Variants in UBE3D observed in about 807,000 individuals in gnomAD.
UBE3D encodes E3 ubiquitin-protein ligase E3D.
A neutral mutation model predicts 49.6 loss-of-function variants in UBE3D; 48 were observed. The ratio of observed to expected loss-of-function variants is 0.97; its 90% confidence interval spans 0.77 to 1.23. The LOEUF is 1.23. UBE3D is among the 50% of genes most tolerant of loss of function. The pLI is 0.00. For missense variants in UBE3D, 452 were observed against 468.4 expected, an observed-to-expected ratio of 0.96 and a Z score of 0.32; for synonymous variants, 189 against 174.2, an observed-to-expected ratio of 1.08 and a Z score of -0.67.
chr6:82,983,161 T>C (rs1275036227), intron 8 of UBE3D, among the ~76,000 whole-genome samples: 1 of 151,792 alleles, frequency 6.6e-6, no homozygotes, highest in East Asian at 1.9e-4. Flanking sequence ...GAAAGTTTTT[T>C]TTTTTTTTTT....
intron 9 of UBE3D, among the ~76,000 whole-genome samples, chr6:82,893,267 A>C (rs7756093): frequency 0.019 from 2,869 of 152,254 alleles, 87 homozygotes; most frequent in African/African-American, 0.065. Context: ...ACGCATTTTA[A>C]AGGAGAAAAA....
intron 8 of UBE3D, among the ~76,000 whole-genome samples, chr6:82,967,685 A>G (rs1777049896): frequency 1.3e-5 from 2 of 151,924 alleles, no homozygotes; most frequent in African/African-American, 4.8e-5. Flanking sequence ...TCTGTCACCT[A>G]GGCTGGAGTG....
chr6:83,065,059 T>C (rs771481462), intron 1 of UBE3D, among the ~76,000 whole-genome samples: 1 of 152,228 alleles, frequency 6.6e-6, no homozygotes, highest in Non-Finnish European at 1.5e-5. Context: ...TTTGACGTTC[T>C]CACTGGAAGG....
Position 83,065,796 on chromosome 6 carries a change from C to A in UBE3D, c.-78G>T. 2 of 1,431,452 alleles carry A rather than the reference C, an allele frequency of 1.4e-6. No individual in the cohort carries two copies. Among genetic ancestry groups the A allele is most frequent in the Non-Finnish European group, 1.9e-6 (2 of 1,042,930 alleles). The allele number at this position is 1,431,452 out of a possible 1,614,324, so 88.7% of individuals were successfully genotyped here. ...GTCAACAGGACCAGGAGAGGTTCCA[C>A]GTGCGGACCAACCAGCGGCAGCCCC... On this transcript the variant is annotated 5_prime_UTR_variant, in exon 1 of 10. Transcript: ENST00000369747.
chr6:83,015,057 G>C (rs1780602607), intron 8 of UBE3D, among the ~76,000 whole-genome samples: 1 of 152,112 alleles, frequency 6.6e-6, no homozygotes, highest in African/African-American at 2.4e-5. Flanking sequence ...TTTGACAGCT[G>C]AGTGCCACAA....
chr6:82,968,056 T>C (rs903909258), intron 8 of UBE3D, among the ~76,000 whole-genome samples: 2 of 152,142 alleles, frequency 1.3e-5, no homozygotes, highest in Non-Finnish European at 1.5e-5. Flanking sequence ...TTATAAATAA[T>C]AGCTACGAGC....
intron 8 of UBE3D, among the ~76,000 whole-genome samples, chr6:83,006,726 G>A (rs991718936): frequency 1.3e-5 from 2 of 152,190 alleles, no homozygotes; most frequent in Non-Finnish European, 2.9e-5. Context: ...ATTCATAGAA[G>A]TAGTAAGTAG....
chr6:82,889,740 T>C (rs947629224), downstream of UBE3D, among the ~76,000 whole-genome samples: 1 of 152,184 alleles, frequency 6.6e-6, no homozygotes, highest in South Asian at 2.1e-4. Context: ...GCTGCCTCCA[T>C]GAGAATGTAA....
At chr6:83,008,675 A>G (rs1306788614) in intron 8 of UBE3D, among the ~76,000 whole-genome samples, 2 of 152,180 alleles carry the variant, frequency 1.3e-5, no homozygotes, top group Non-Finnish European at 2.9e-5. Context: ...GGCAATCCAC[A>G]CTTCCATTAG....
chr6:83,000,000 C>G (rs1010440014), intron 8 of UBE3D, among the ~76,000 whole-genome samples: 1 of 152,200 alleles, frequency 6.6e-6, no homozygotes, highest in Non-Finnish European at 1.5e-5. Flanking sequence ...CTTCTTAAAG[C>G]AGTTTCCTCC....
intron 2 of UBE3D, among the ~76,000 whole-genome samples, chr6:83,055,745 A>G (rs1783776152): frequency 6.6e-6 from 1 of 152,226 alleles, no homozygotes; most frequent in Non-Finnish European, 1.5e-5. Context: ...TATGATGTTT[A>G]CTATAGTTGT....
intron 9 of UBE3D, among the ~76,000 whole-genome samples, chr6:82,893,259 G>T (rs989702266): frequency 1.3e-5 from 2 of 151,932 alleles, no homozygotes; most frequent in South Asian, 2.1e-4. Context: ...TGATTCACAC[G>T]CATTTTAAAG....
intron 8 of UBE3D, among the ~76,000 whole-genome samples, chr6:82,962,055 C>T (rs1562126649): frequency 1.3e-5 from 2 of 151,044 alleles, no homozygotes; most frequent in African/African-American, 2.4e-5. Flanking sequence ...GTAAGATAGA[C>T]AATGAAAAAT....
At chr6:82,891,911 C>T (rs1228901075), downstream of UBE3D, among the ~76,000 whole-genome samples, 4 of 152,042 alleles carry the variant, frequency 2.6e-5, no homozygotes, top group Non-Finnish European at 5.9e-5. Flanking sequence ...CCTGTAATCC[C>T]AACTACTTGG....
intron 9 of UBE3D, among the ~76,000 whole-genome samples, chr6:82,929,537 C>G (rs1438171119): frequency 1.3e-5 from 2 of 151,240 alleles, no homozygotes; most frequent in Non-Finnish European, 2.9e-5. Flanking sequence ...CTAGCAAAGT[C>G]TAAGTACTTT....
intron 9 of UBE3D, among the ~76,000 whole-genome samples, chr6:82,931,385 G>C (rs1174986272): frequency 6.6e-6 from 1 of 152,190 alleles, no homozygotes; most frequent in Non-Finnish European, 1.5e-5. Context: ...AAGGGCCACT[G>C]TCAACCAGAC....
intron 9 of UBE3D, among the ~76,000 whole-genome samples, chr6:82,911,774 G>A (rs964244540): frequency 1.3e-5 from 2 of 152,100 alleles, no homozygotes; most frequent in Admixed American, 6.6e-5. Flanking sequence ...TTAGGACGGG[G>A]GATCACAACA....
intron 9 of UBE3D, among the ~76,000 whole-genome samples, chr6:82,955,691 A>C (rs1259841925): frequency 1.3e-5 from 2 of 152,216 alleles, no homozygotes; most frequent in Non-Finnish European, 2.9e-5. Flanking sequence ...GGACATTCCA[A>C]GGCAGATCTA....
intron 8 of UBE3D, among the ~76,000 whole-genome samples, chr6:83,011,714 T>G (rs1450070942): frequency 6.6e-6 from 1 of 152,166 alleles, no homozygotes; most frequent in African/African-American, 2.4e-5. Flanking sequence ...TCCAGTTTAA[T>G]GGAATCGTTG....
Sources: allele counts gnomAD v4.1 joint callset (sites outside exome capture counted in the v4.1 genomes callset), GRCh38; gene constraint gnomAD v4.1.1; transcripts MANE v1.5; gene names NCBI Gene and HGNC (gene_info 2026-07-23, HGNC 2026-07-21).